LIN54: variants seen among roughly 807,000 people sequenced by gnomAD.
The protein encoded by LIN54 is protein lin-54 homolog.
LIN54 carries 9 observed loss-of-function variants against 78.7 expected under a neutral mutation model. The observed-to-expected ratio is 0.11, with a 90% CI of 0.07 to 0.20. The LOEUF (loss-of-function observed/expected upper bound fraction) is 0.20, where lower values mean the gene tolerates loss of function less well. LIN54 is among the 10% of genes least tolerant of loss of function. LIN54 has a pLI of 1.00. For missense variants in LIN54, 573 were observed against 889.9 expected, an observed-to-expected ratio of 0.64 and a Z score of 4.53; for synonymous variants, 269 against 318.4, an observed-to-expected ratio of 0.84 and a Z score of 1.65.
chr4:82,966,175 G>A (rs898576890), intron 4 of LIN54, among the ~76,000 whole-genome samples: 2 of 152,044 alleles, frequency 1.3e-5, no homozygotes, highest in African/African-American at 4.8e-5. Flanking sequence ...CATAGTTTCA[G>A]TGACTGCCTA....
At chr4:82,950,809 T>C (rs1348241647) in intron 4 of LIN54, among the ~76,000 whole-genome samples, 1 of 152,092 alleles carries the variant, frequency 6.6e-6, no homozygotes, top group Non-Finnish European at 1.5e-5. Flanking sequence ...TAGTTTCCTA[T>C]TACTAAATGC....
chr4:83,004,468 G>A (rs1244836772), intron 1 of LIN54, among the ~76,000 whole-genome samples: 1 of 151,544 alleles, frequency 6.6e-6, no homozygotes, highest in Non-Finnish European at 1.5e-5. Context: ...ACAGACCCTA[G>A]TATATTCACT....
chr4:82,952,462 A>G (rs188489507), intron 4 of LIN54, among the ~76,000 whole-genome samples: 386 of 152,296 alleles, frequency 2.5e-3, no homozygotes, highest in Non-Finnish European at 4.6e-3. Context: ...GTCAAAAACA[A>G]CTGTTGGTAA....
At chr4:82,983,844 C>A (rs72925282) in intron 2 of LIN54, among the ~76,000 whole-genome samples, 2,589 of 152,106 alleles carry the variant, frequency 0.017, 77 homozygotes, top group African/African-American at 0.059. Flanking sequence ...GCAAGTCTGG[C>A]ATATTTATAC....
chr4:82,978,479 G>A (rs1301495064), intron 3 of LIN54, among the ~76,000 whole-genome samples: 1 of 152,172 alleles, frequency 6.6e-6, no homozygotes, highest in Non-Finnish European at 1.5e-5. Context: ...TTCCAGCTCA[G>A]CCATTTACTA....
intron 8 of LIN54, among the ~76,000 whole-genome samples, chr4:82,937,838 T>TA (rs1440600887): frequency 6.6e-6 from 1 of 152,126 alleles, no homozygotes; most frequent in Non-Finnish European, 1.5e-5. Context: ...CACATAATTT[T>TA]AAAAATAGTT....
chr4:82,960,527 G>A (rs953953164), intron 4 of LIN54, among the ~76,000 whole-genome samples: 6 of 151,656 alleles, frequency 4.0e-5, no homozygotes, highest in Non-Finnish European at 8.8e-5. Context: ...TCAACCTCCT[G>A]GGCTCAAACC....
At chr4:82,937,927 T>G (rs1008164667) in intron 8 of LIN54, among the ~76,000 whole-genome samples, 6 of 151,928 alleles carry the variant, frequency 3.9e-5, no homozygotes, top group African/African-American at 1.2e-4. Flanking sequence ...GCCCAGGAGG[T>G]GGAGATTAGC....
chr4:82,944,664 A>G (rs1332761154), intron 5 of LIN54: 1 of 152,174 alleles, frequency 6.6e-6, no homozygotes, highest in African/African-American at 2.4e-5. Flanking sequence ...TTATTCTTCT[A>G]TAGGTTCCCT....
chr4:83,005,001 TCTC>T (rs1729226021), intron 1 of LIN54, among the ~76,000 whole-genome samples: 1 of 151,794 alleles, frequency 6.6e-6, no homozygotes, highest in Non-Finnish European at 1.5e-5. Flanking sequence ...TTCAAACAAT[TCTC>T]CTGCCTCAGC....
chr4:82,935,516 G>T (rs1016745644), intron 11 of LIN54, among the ~76,000 whole-genome samples: 2 of 151,858 alleles, frequency 1.3e-5, no homozygotes, highest in Non-Finnish European at 2.9e-5. Flanking sequence ...TCGAACTCCT[G>T]ACCTCAAGTG....
intron 1 of LIN54, among the ~76,000 whole-genome samples, chr4:83,006,923 T>C (rs1431518773): frequency 3.3e-5 from 5 of 152,190 alleles, no homozygotes; most frequent in African/African-American, 4.8e-5. Flanking sequence ...GTGGATAACC[T>C]GAGGTCAGGA....
chr4:82,936,248 C>T, intron 10 of LIN54, 31 bp downstream of exon 10: 1 of 1,516,508 alleles, frequency 6.6e-7, no homozygotes, highest in Non-Finnish European at 9.1e-7. Flanking sequence ...CTGGATATTT[C>T]TGTCAGTTAA....
chr4:82,975,530 G>A (rs1163317780), intron 3 of LIN54, among the ~76,000 whole-genome samples: 1 of 151,938 alleles, frequency 6.6e-6, no homozygotes, highest in Admixed American at 6.6e-5. Context: ...GGCCAACATG[G>A]TGAAACCCCG....
At chr4:82,990,236 C>T (rs1260752560) in intron 1 of LIN54, among the ~76,000 whole-genome samples, 1 of 152,236 alleles carries the variant, frequency 6.6e-6, no homozygotes, top group Non-Finnish European at 1.5e-5. Flanking sequence ...AGACTTTCAA[C>T]TCTCTTTGAA....
At chr4:82,975,711 C>A (rs1419998039) in intron 3 of LIN54, among the ~76,000 whole-genome samples, 2 of 147,410 alleles carry the variant, frequency 1.4e-5, no homozygotes, top group East Asian at 3.9e-4. Context: ...AAAACTCCAT[C>A]TAAAAAAAAA....
chr4:83,001,924 AGGG>A (rs1162880617), intron 1 of LIN54, among the ~76,000 whole-genome samples: 234 of 3,112 alleles, frequency 0.075, 76 homozygotes, highest in East Asian at 0.45. Flanking sequence ...GGAGGGAGGG[AGGG>A]AGGGAAGGAA....
At chr4:82,936,170 T>G (rs1722377462) in intron 10 of LIN54, 52 bp from the exon 11 acceptor site, 2 of 1,603,004 alleles carry the variant, frequency 1.2e-6, no homozygotes, top group African/African-American at 1.3e-5. Context: ...TAGATGAAAT[T>G]TAAACACTGC....
intron 5 of LIN54, among the ~76,000 whole-genome samples, chr4:82,942,678 C>T (rs1318214078): frequency 6.6e-6 from 1 of 152,050 alleles, no homozygotes; most frequent in Non-Finnish European, 1.5e-5. Context: ...AGATGACAGT[C>T]GCTGTTCCAT....
Sources: gnomAD v4.1 joint callset for allele counts (sites outside exome capture counted in the v4.1 genomes callset) on GRCh38, gnomAD v4.1.1 for gene constraint, MANE v1.5 for transcripts, NCBI Gene and HGNC (gene_info 2026-07-23, HGNC 2026-07-21) for gene names.